The following CAST variants were observed in gnomAD, a reference collection of about 807,000 sequenced individuals.
CAST encodes the protein MIR583 host.
In CAST, 76 loss-of-function variants were observed where a neutral mutation model predicts 119.6. That is an observed-to-expected ratio of 0.64 (90% CI 0.53 to 0.77). The LOEUF (loss-of-function observed/expected upper bound fraction) is 0.77, where lower values mean the gene tolerates loss of function less well. Ranked by LOEUF, CAST falls within the 30% of genes least tolerant of loss-of-function variation. CAST has a pLI of 0.00. For missense variants in CAST, 953 were observed against 946.5 expected (o/e 1.01, Z -0.09); for synonymous variants, 319 against 331.6 (o/e 0.96, Z 0.41).
chr5:96,560,519 A>G (rs1746335622), intron 1 of CAST, among the ~76,000 whole-genome samples: 1 of 152,234 alleles, frequency 6.6e-6, no homozygotes, highest in South Asian at 2.1e-4. Flanking sequence ...AGAAAAAACA[A>G]CCCCATCAAA....
At chr5:96,074,773 C>T in the CAST span, among the ~76,000 whole-genome samples, 95,623 of 152,062 alleles carry the variant, frequency 0.63, 30,290 homozygotes, top group African/African-American at 0.67. Context: ...CATCTCTAGA[C>T]AGGAAAAGTT....
chr5:96,292,686 T>G, the CAST span, among the ~76,000 whole-genome samples: 93 of 152,342 alleles, frequency 6.1e-4, no homozygotes, highest in Middle Eastern at 6.8e-3. Context: ...TGTCTTTTAG[T>G]AGCTCATACA....
chr5:96,105,644 T>A, the CAST span, among the ~76,000 whole-genome samples: 2 of 152,194 alleles, frequency 1.3e-5, no homozygotes, highest in African/African-American at 4.8e-5. Flanking sequence ...TGGCAGTATT[T>A]TATTGAGGAT....
At chr5:96,423,355 A>G in the CAST span, 1 of 1,613,538 alleles carries the variant, frequency 6.2e-7, no homozygotes, top group Non-Finnish European at 8.5e-7. Flanking sequence ...CCAAACCATC[A>G]TCCAGTACGG....
the CAST span, among the ~76,000 whole-genome samples, chr5:95,962,491 G>A: frequency 6.6e-6 from 1 of 152,058 alleles, no homozygotes; most frequent in Non-Finnish European, 1.5e-5. Flanking sequence ...GGTGCCACAC[G>A]CAGAGCTTAT....
intron 3 of CAST, among the ~76,000 whole-genome samples, chr5:96,697,970 G>T (rs1753489615): frequency 6.6e-6 from 1 of 152,138 alleles, no homozygotes; most frequent in African/African-American, 2.4e-5. Flanking sequence ...AACTAAAAAA[G>T]ATTAACTTTT....
chr5:96,304,094 C>T, the CAST span, among the ~76,000 whole-genome samples: 2 of 152,200 alleles, frequency 1.3e-5, no homozygotes, highest in Non-Finnish European at 2.9e-5. Context: ...TATTTCTCCA[C>T]ATCTTCTCCA....
At chr5:96,023,473 T>C in the CAST span, among the ~76,000 whole-genome samples, 6 of 152,202 alleles carry the variant, frequency 3.9e-5, no homozygotes. Flanking sequence ...CAGTAATAAA[T>C]TGATACTATC....
At chr5:96,063,634 G>A in the CAST span, among the ~76,000 whole-genome samples, 2 of 152,170 alleles carry the variant, frequency 1.3e-5, no homozygotes, top group Admixed American at 1.3e-4. Flanking sequence ...CTCTTTACAC[G>A]CAGACACACA....
the CAST span, among the ~76,000 whole-genome samples, chr5:96,399,750 A>G: frequency 6.6e-6 from 1 of 152,236 alleles, no homozygotes; most frequent in Non-Finnish European, 1.5e-5. Flanking sequence ...GTGGACTACA[A>G]GAGGAACATG....
chr5:95,988,502 G>A, the CAST span, among the ~76,000 whole-genome samples: 8 of 152,222 alleles, frequency 5.3e-5, no homozygotes, highest in Non-Finnish European at 8.8e-5. Flanking sequence ...CATAGAACAT[G>A]TTTGATGATT....
At chr5:96,494,142 C>G in the CAST span, among the ~76,000 whole-genome samples, 84 of 152,284 alleles carry the variant, frequency 5.5e-4, no homozygotes, top group African/African-American at 2.0e-3. Flanking sequence ...AAAGCAATTC[C>G]AAGCAAACAG....
upstream of CAST, among the ~76,000 whole-genome samples, chr5:96,523,415 C>T (rs1745548344): frequency 6.6e-6 from 1 of 152,140 alleles, no homozygotes. Context: ...CCAAGAGAGT[C>T]AAGTTTTGGA....
At chr5:96,768,108 G>T in intron 29 of CAST, 109 bp downstream of exon 29, 1 of 778,814 alleles carries the variant, frequency 1.3e-6, no homozygotes. Context: ...TCTTGTAACA[G>T]GGTCTTACTC....
the CAST span, among the ~76,000 whole-genome samples, chr5:95,984,444 C>T: frequency 6.6e-6 from 1 of 152,030 alleles, no homozygotes; most frequent in Non-Finnish European, 1.5e-5. Flanking sequence ...GTGAAGCTTA[C>T]AGTAAGTGAC....
the CAST span, among the ~76,000 whole-genome samples, chr5:96,110,181 A>G: frequency 6.6e-6 from 1 of 152,278 alleles, no homozygotes; most frequent in African/African-American, 2.4e-5. Context: ...GTTTATCAGG[A>G]TAGATTTCCA....
the CAST span, among the ~76,000 whole-genome samples, chr5:96,232,701 C>T: frequency 2.6e-5 from 4 of 152,082 alleles, no homozygotes; most frequent in South Asian, 6.2e-4. Context: ...TTATAAGGTT[C>T]CTATTAAAAA....
chr5:96,322,355 A>G, the CAST span, among the ~76,000 whole-genome samples: 1 of 152,126 alleles, frequency 6.6e-6, no homozygotes, highest in Non-Finnish European at 1.5e-5. Flanking sequence ...TGCTACGGTC[A>G]TTTGTAGGGA....
chr5:96,346,548 C>T, the CAST span, among the ~76,000 whole-genome samples: 1 of 152,094 alleles, frequency 6.6e-6, no homozygotes, highest in Non-Finnish European at 1.5e-5. Context: ...CCCCTTGACT[C>T]CTGGATTCGT....
Sources: gnomAD v4.1 joint callset for allele counts (sites outside exome capture counted in the v4.1 genomes callset) on GRCh38, gnomAD v4.1.1 for gene constraint, MANE v1.5 for transcripts, NCBI Gene and HGNC (gene_info 2026-07-23, HGNC 2026-07-21) for gene names.